The following ARSB variants were observed in gnomAD, a reference collection of about 807,000 sequenced individuals.
ARSB encodes N-acetylgalactosamine-4-sulfatase.
ARSB carries 41 observed loss-of-function variants against 50.9 expected under a neutral mutation model. The observed-to-expected ratio is 0.81, with a 90% confidence interval of 0.63 to 1.04. ARSB has a LOEUF of 1.04. Among genes scored for constraint, ARSB ranks in the 50% least tolerant of loss-of-function variants. ARSB has a pLI of 0.00. For missense variants in ARSB, 672 were observed against 693.3 expected, an observed-to-expected ratio of 0.97 and a Z score of 0.35; for synonymous variants, 269 against 284.8, an observed-to-expected ratio of 0.94 and a Z score of 0.56.
rs771658342 is a variant in ARSB at position 78,803,473 on chromosome 5, C to T, written c.1214-21499G>A. 3.3e-5 allele frequency among the ~76,000 whole-genome samples: 5 copies of T among 152,334 alleles called. No homozygotes were observed. In the South Asian group the frequency reaches 1.0e-3, roughly 32 times the overall value. On this transcript the variant is annotated intron_variant, in intron 6 of 7. Coordinates refer to ENST00000264914, the MANE Select transcript of ARSB (RefSeq NM_000046.5). Reference sequence around the variant, plus strand: ...GAGGTAATTACTGGGCTATGAAGGCCGCTGAAGCTGGGTCCTGGCAAAGCT... The same window carrying T: ...GAGGTAATTACTGGGCTATGAAGGCTGCTGAAGCTGGGTCCTGGCAAAGCT...
intron 4 of ARSB, among the ~76,000 whole-genome samples, chr5:78,902,462 C>G (rs953681300): frequency 1.3e-5 from 2 of 152,164 alleles, no homozygotes; most frequent in Non-Finnish European, 2.9e-5. Context: ...ATGGTCATAG[C>G]AGCATTATTC....
intron 5 of ARSB, among the ~76,000 whole-genome samples, chr5:78,844,351 G>A (rs1237379325): frequency 6.6e-6 from 1 of 152,080 alleles, no homozygotes; most frequent in East Asian, 1.9e-4. Context: ...TTGGAGAAAT[G>A]TCTATTCAGA....
chr5:78,782,611 G>A (rs901074382), intron 6 of ARSB, among the ~76,000 whole-genome samples: 8 of 152,052 alleles, frequency 5.3e-5, no homozygotes, highest in Admixed American at 3.3e-4. Context: ...TCATCAGGTT[G>A]GTTTTTTGCT....
At chr5:78,826,937 A>G (rs116679931) in intron 6 of ARSB, among the ~76,000 whole-genome samples, 2,632 of 152,222 alleles carry the variant, frequency 0.017, 71 homozygotes, top group African/African-American at 0.06. Context: ...GGAATCACCT[A>G]TGACAGGAAG....
chr5:78,825,672 A>G (rs1437915856), intron 6 of ARSB, among the ~76,000 whole-genome samples: 1 of 152,246 alleles, frequency 6.6e-6, no homozygotes, highest in Non-Finnish European at 1.5e-5. Context: ...GGTAGTACTT[A>G]AGCTGACTTT....
intron 6 of ARSB, among the ~76,000 whole-genome samples, chr5:78,821,686 A>G (rs936957364): frequency 6.6e-6 from 1 of 152,240 alleles, no homozygotes; most frequent in Non-Finnish European, 1.5e-5. Flanking sequence ...GAGGCGGTGC[A>G]TATCTTCTAG....
chr5:78,951,435 T>G (rs1041512051), intron 4 of ARSB, among the ~76,000 whole-genome samples: 1 of 152,014 alleles, frequency 6.6e-6, no homozygotes, highest in Non-Finnish European at 1.5e-5. Context: ...GTTGGAGATA[T>G]TAAGGTGTAG....
chr5:78,813,891 T>A (rs1743901227), intron 6 of ARSB, among the ~76,000 whole-genome samples: 1 of 152,230 alleles, frequency 6.6e-6, no homozygotes, highest in Non-Finnish European at 1.5e-5. Flanking sequence ...TCTGATTTTT[T>A]AAACATAAAA....
chr5:78,919,002 T>C (rs1031715602), intron 4 of ARSB, among the ~76,000 whole-genome samples: 23 of 152,178 alleles, frequency 1.5e-4, no homozygotes, highest in Admixed American at 2.6e-4. Context: ...CAGAGTCAAT[T>C]AAGATTTGGG....
chr5:78,907,111 A>AG (rs35534569), intron 4 of ARSB, among the ~76,000 whole-genome samples: 23,178 of 152,120 alleles, frequency 0.15, 2,732 homozygotes, highest in African/African-American at 0.33. Context: ...CAGAGAAAGG[A>AG]AACAAGGTAA....
intron 4 of ARSB, among the ~76,000 whole-genome samples, chr5:78,918,526 T>C (rs1187473666): frequency 6.6e-6 from 1 of 151,506 alleles, no homozygotes; most frequent in Non-Finnish European, 1.5e-5. Flanking sequence ...AAATTTTAAG[T>C]GGCAAAAATC....
chr5:78,931,856 T>C (rs764041115), intron 4 of ARSB, among the ~76,000 whole-genome samples: 5 of 152,068 alleles, frequency 3.3e-5, no homozygotes, highest in Non-Finnish European at 5.9e-5. Context: ...GCTGTTCACA[T>C]GATAGTGAGT....
At chr5:78,818,593 A>T (rs1744090259) in intron 6 of ARSB, among the ~76,000 whole-genome samples, 1 of 145,510 alleles carries the variant, frequency 6.9e-6, no homozygotes, top group African/African-American at 2.6e-5. Context: ...CCATAAAATA[A>T]AGCTCTTTTT....
At chr5:78,794,163 T>C (rs1209204569) in intron 6 of ARSB, among the ~76,000 whole-genome samples, 1 of 152,180 alleles carries the variant, frequency 6.6e-6, no homozygotes. Flanking sequence ...TCAGGCTTAC[T>C]ATAAGCTGGG....
rs34955466 is a variant in ARSB at position 78,959,340 on chromosome 5, C to CT, written c.691-3839dup. Among the ~76,000 whole-genome samples the CT allele has an allele frequency of 5.5e-3, 814 of 147,188 alleles. 6 individuals carry two copies. The highest frequency in any genetic ancestry group is 0.018 in the African/African-American group (720 of 40,426). Reference sequence around the variant, plus strand: ...TTATAAATTACCCAGTCTCAGGCAGCTTTTTTTTTTTTCCTGCAAAAACCC... The same window carrying CT: ...TTATAAATTACCCAGTCTCAGGCAGCTTTTTTTTTTTTTCCTGCAAAAACCC... On this transcript the variant is annotated intron_variant, in intron 3 of 7. Transcript: ENST00000264914.
At position 78,955,385 on chromosome 5, in the gene ARSB, C is replaced by T; in HGVS notation, c.808G>A (p.Val270Met). The change falls in exon 4 of 8, where the codon GTG becomes ATG. Residue 270 changes from valine (V) to methionine (M), a missense_variant. By Grantham distance (21) the Val-to-Met change is conservative (BLOSUM62 1). Transcript: ENST00000264914. ...CCTACTGCTTCATCCATAAGGGACACCATTCCTGCATAGTGATGCCTGTTC... is the reference window on the plus strand; with the variant it reads ...CCTACTGCTTCATCCATAAGGGACATCATTCCTGCATAGTGATGCCTGTTC... ...DKNRHHYAGM[V>M]SLMDEAVGNV... 1 of 1,614,170 alleles carries T rather than the reference C, an allele frequency of 6.2e-7. No homozygotes were observed. The highest frequency in any genetic ancestry group is 1.3e-5 in the African/African-American group (1 of 75,032).
chr5:78,787,276 A>G (rs2112626724), intron 6 of ARSB, among the ~76,000 whole-genome samples: 1 of 152,302 alleles, frequency 6.6e-6, no homozygotes, highest in East Asian at 1.9e-4. Flanking sequence ...CCAGTACCAC[A>G]CTACCAGGAC....
intron 5 of ARSB, among the ~76,000 whole-genome samples, chr5:78,854,380 T>C (rs139293906): frequency 6.0e-4 from 92 of 152,390 alleles, no homozygotes; most frequent in African/African-American, 2.2e-3. Context: ...CATTTTCCTC[T>C]TAACACTTCT....
intron 4 of ARSB, among the ~76,000 whole-genome samples, chr5:78,946,911 G>A (rs1287572562): frequency 6.6e-6 from 1 of 151,978 alleles, no homozygotes; most frequent in East Asian, 1.9e-4. Context: ...AAACAGCACG[G>A]TACTAGCATA....
Sources: gnomAD v4.1 joint callset for allele counts (sites outside exome capture counted in the v4.1 genomes callset) on GRCh38, gnomAD v4.1.1 for gene constraint, MANE v1.5 for transcripts, NCBI Gene and HGNC (gene_info 2026-07-23, HGNC 2026-07-21) for gene names.